The following RERE variants were observed in gnomAD, a reference collection of about 807,000 sequenced individuals.
RERE encodes arginine-glutamic acid dipeptide repeats.
RERE carries 40 observed loss-of-function variants against 146.1 expected under a neutral mutation model. The observed-to-expected ratio is 0.27, with a 90% CI of 0.21 to 0.36. The LOEUF is 0.36. Ranked by LOEUF, RERE falls within the 10% of genes least tolerant of loss-of-function variation. The pLI is 1.00. For synonymous variants in RERE, 1,003 were observed against 866.0 expected (o/e 1.16, Z -2.78); for missense variants, 1,933 against 2,138.7 (o/e 0.90, Z 1.90).
At chr1:8,753,058 C>T (rs1243503165) in intron 1 of RERE, among the ~76,000 whole-genome samples, 1 of 152,164 alleles carries the variant, frequency 6.6e-6, no homozygotes, top group Non-Finnish European at 1.5e-5. Context: ...AATCATCCTT[C>T]ATTAAAAATG....
chr1:8,631,150 C>T (rs1260168745), intron 2 of RERE, among the ~76,000 whole-genome samples: 6 of 152,214 alleles, frequency 3.9e-5, no homozygotes, highest in African/African-American at 1.2e-4. Flanking sequence ...AAAATTCCTA[C>T]ATTTCTCTTT....
chr1:8,435,011 G>A (rs948499243), intron 11 of RERE, among the ~76,000 whole-genome samples: 6 of 152,254 alleles, frequency 3.9e-5, no homozygotes, highest in Admixed American at 3.3e-4. Context: ...GATCATCATT[G>A]CTTTACATTG....
chr1:8,507,785 C>T (rs1645276262), intron 8 of RERE, among the ~76,000 whole-genome samples: 1 of 119,382 alleles, frequency 8.4e-6, no homozygotes, highest in Non-Finnish European at 1.6e-5. Context: ...GTTGCCCAGA[C>T]TGGAGTCCAG....
chr1:8,789,301 A>AAAAAAAAAAAAAATATATAT, intron 1 of RERE, among the ~76,000 whole-genome samples: 22 of 24,802 alleles, frequency 8.9e-4, no homozygotes, highest in African/African-American at 4.4e-3. Context: ...AAAAAAAAAA[A>AAAAAAAAAAAAAATATATAT]ATATATATAT....
At chr1:8,662,457 T>C (rs377381433) in intron 1 of RERE, among the ~76,000 whole-genome samples, 1 of 152,158 alleles carries the variant, frequency 6.6e-6, no homozygotes, top group African/African-American at 2.4e-5. Context: ...GAGAAATCAT[T>C]TGAGGCAAGG....
At chr1:8,514,812 A>G (rs1332720172) in intron 7 of RERE, among the ~76,000 whole-genome samples, 1 of 152,212 alleles carries the variant, frequency 6.6e-6, no homozygotes, top group Non-Finnish European at 1.5e-5. Context: ...AATGAGGTCC[A>G]CAAGCTATGC....
chr1:8,739,720 G>T (rs1451878942), intron 1 of RERE, among the ~76,000 whole-genome samples: 1 of 151,870 alleles, frequency 6.6e-6, no homozygotes, highest in African/African-American at 2.4e-5. Flanking sequence ...AAAACCTAGA[G>T]GCATCCTTGA....
In RERE at chr1:8,359,870, T is replaced by C. The variant is rs1186989511; in HGVS notation, c.3512A>G (p.Lys1171Arg). Residue 1171 changes from lysine to arginine, a missense_variant, in exon 19 of 23, where the codon AAG becomes AGG. Transcript: ENST00000400908. ...KKREEAIEKAKREAEQKAREE... is the reference protein window; with the variant it reads ...KKREEAIEKARREAEQKAREE... ...TCGGGCTTTCTGCTCAGCCTCGCGC[T>C]TGGCCTTCTCAATGGCCTCCTCCCT... 1.2e-6 allele frequency: 2 copies of C among 1,612,796 alleles called. No individual in the cohort carries two copies. The highest frequency in any genetic ancestry group is 1.7e-6 in the Non-Finnish European group (2 of 1,180,034).
At chr1:8,645,130 C>T (rs549220257) in intron 2 of RERE, among the ~76,000 whole-genome samples, 39 of 152,234 alleles carry the variant, frequency 2.6e-4, no homozygotes, top group African/African-American at 8.2e-4. Context: ...AGAAATTACA[C>T]ACTCAAAGCA....
At chr1:8,700,524 G>A (rs1176396681) in intron 1 of RERE, among the ~76,000 whole-genome samples, 9 of 151,992 alleles carry the variant, frequency 5.9e-5, no homozygotes, top group African/African-American at 2.2e-4. Context: ...ATATCAAGTT[G>A]GCCACACATG....
intron 6 of RERE, among the ~76,000 whole-genome samples, chr1:8,544,305 TTTTATC>T (rs1173572468): frequency 6.6e-6 from 1 of 152,246 alleles, no homozygotes; most frequent in African/African-American, 2.4e-5. Context: ...CCAAATTTGT[TTTTATC>T]TTTATTATTT....
chr1:8,525,681 T>C, intron 7 of RERE: 3 of 1,424,916 alleles, frequency 2.1e-6, no homozygotes, highest in Non-Finnish European at 2.8e-6. Context: ...GATGAAATGA[T>C]TCATAAACAC....
At chr1:8,501,899 C>G (rs1645166831) in intron 8 of RERE, among the ~76,000 whole-genome samples, 1 of 97,660 alleles carries the variant, frequency 1.0e-5, no homozygotes, top group African/African-American at 3.9e-5. Flanking sequence ...GGGGGTCAGC[C>G]CCCCGCCCGG....
chr1:8,601,133 C>T (rs377357597), intron 4 of RERE, among the ~76,000 whole-genome samples: 4 of 150,798 alleles, frequency 2.7e-5, no homozygotes, highest in South Asian at 2.1e-4. Context: ...AGTTCTCCTG[C>T]CTCAGCCTCC....
chr1:8,765,305 C>T (rs2124537109), intron 1 of RERE, among the ~76,000 whole-genome samples: 1 of 152,200 alleles, frequency 6.6e-6, no homozygotes, highest in Admixed American at 6.5e-5. Context: ...TCCATAAAGA[C>T]AGAAAGAAGA....
At chr1:8,499,437 G>C (rs965916604) in intron 8 of RERE, among the ~76,000 whole-genome samples, 1 of 152,224 alleles carries the variant, frequency 6.6e-6, no homozygotes. Flanking sequence ...CAAGAGTGAA[G>C]TGGACCACGG....
intron 1 of RERE, among the ~76,000 whole-genome samples, chr1:8,789,373 C>A (rs1345647797): frequency 6.9e-6 from 1 of 145,354 alleles, no homozygotes; most frequent in African/African-American, 2.6e-5. Context: ...ACTCTGGCTT[C>A]TCAAAGCTTA....
rs1335809307 is a variant in RERE at position 8,355,331 on chromosome 1, GGGGGAGGAGCCTGGCCCTGGGCACAC to G, written c.4667+62_4667+87del. 2.2e-5 allele frequency: 31 copies of G among 1,424,946 alleles called. No individual in the cohort carries two copies. The African/African-American group carries it at 3.6e-4, about 17-fold the overall frequency. The allele number at this position is 1,424,946 out of a possible 1,614,324, so 88.3% of individuals were successfully genotyped here. ...TCCCCTCCAGGGCCCAGCAGGCAGAGGGGGAGGAGCCTGGCCCTGGGCACACGGGGAGGTTGGGAGCCTGGGCTCAG... is the reference window on the plus strand; with the variant it reads ...TCCCCTCCAGGGCCCAGCAGGCAGAGGGGGAGGTTGGGAGCCTGGGCTCAG... On this transcript the variant is annotated intron_variant, in intron 22 of 22. Transcript: ENST00000400908.
At chr1:8,520,388 T>C (rs760798584) in intron 7 of RERE, among the ~76,000 whole-genome samples, 2 of 152,100 alleles carry the variant, frequency 1.3e-5, no homozygotes, top group Non-Finnish European at 2.9e-5. Flanking sequence ...GGTCCAGAAC[T>C]AGAAATTTGG....
Sources: allele counts gnomAD v4.1 joint callset (sites outside exome capture counted in the v4.1 genomes callset), GRCh38; gene constraint gnomAD v4.1.1; transcripts MANE v1.5; gene names NCBI Gene and HGNC (gene_info 2026-07-23, HGNC 2026-07-21).